The following PLCL2 variants were observed in gnomAD, a reference collection of about 807,000 sequenced individuals.
The protein encoded by PLCL2 is phospholipase C like 2, also known as inactive phospholipase C-like protein 2.
PLCL2 carries 4 observed loss-of-function variants against 79.6 expected under a neutral mutation model. That is an observed-to-expected ratio of 0.05 (90% CI 0.02 to 0.11). The LOEUF is 0.11. Among genes scored for constraint, PLCL2 ranks in the 10% least tolerant of loss-of-function variants. PLCL2 has a pLI of 1.00. For synonymous variants in PLCL2, 484 were observed against 457.7 expected (o/e 1.06, Z -0.73); for missense variants, 895 against 1,291.0 (o/e 0.69, Z 4.70).
At chr3:16,979,029 A>T (rs1164586327) in intron 1 of PLCL2, among the ~76,000 whole-genome samples, 1 of 152,188 alleles carries the variant, frequency 6.6e-6, no homozygotes, top group Non-Finnish European at 1.5e-5. Context: ...AGCACCAGCA[A>T]TTTGTTTTTA....
At position 16,887,457 on chromosome 3, in the gene PLCL2, C is replaced by T. The variant is rs1287383860; in HGVS notation, c.327+2091C>T. On this transcript the variant is annotated intron_variant, in intron 1 of 5. Transcript: ENST00000615277. This position sits in a 1 kb window ranked among gnomAD's most constrained non-coding sequence, Gnocchi z 4.1. ...CATTGTATTGTACCTCCAAAGAAGG[C>T]TTGACATACTCCTTTTTCTTGCCTC... Among the ~76,000 whole-genome samples, 2 of 152,166 alleles carry T rather than the reference C, an allele frequency of 1.3e-5. No individual in the cohort carries two copies. Among genetic ancestry groups the T allele is most frequent in the African/African-American group, 4.8e-5 (2 of 41,446 alleles).
At chr3:16,898,381 A>G (rs1005061055) in intron 1 of PLCL2, among the ~76,000 whole-genome samples, 1 of 152,144 alleles carries the variant, frequency 6.6e-6, no homozygotes, top group African/African-American at 2.4e-5. Context: ...CCTACAGCAT[A>G]ATTAGCCAGA....
intron 1 of PLCL2, among the ~76,000 whole-genome samples, chr3:16,893,882 G>T (rs376526043): frequency 1.3e-5 from 2 of 152,190 alleles, no homozygotes; most frequent in South Asian, 2.1e-4. Context: ...GTAGTGCTAG[G>T]TTGACACAAA....
intron 1 of PLCL2, among the ~76,000 whole-genome samples, chr3:16,969,180 C>T (rs111540557): frequency 5.9e-5 from 9 of 152,234 alleles, no homozygotes; most frequent in African/African-American, 1.9e-4. Flanking sequence ...CTATGTTCAT[C>T]AAGGATATTG....
chr3:17,076,516 T>A (rs1021316978), intron 5 of PLCL2, among the ~76,000 whole-genome samples: 17 of 150,942 alleles, frequency 1.1e-4, no homozygotes, highest in South Asian at 8.3e-4. Flanking sequence ...TAAAAAAAAA[T>A]TTTTTTGAGA....
At chr3:16,928,908 TC>T (rs1697321267) in intron 1 of PLCL2, among the ~76,000 whole-genome samples, 1 of 152,012 alleles carries the variant, frequency 6.6e-6, no homozygotes, top group Non-Finnish European at 1.5e-5. Context: ...TTGGCAAAAA[TC>T]CATTTCAGCG....
At chr3:17,053,792 T>G (rs1199472333) in intron 4 of PLCL2, among the ~76,000 whole-genome samples, 1 of 152,216 alleles carries the variant, frequency 6.6e-6, no homozygotes, top group African/African-American at 2.4e-5. Context: ...ACAGAGCAGC[T>G]GGGCCCTGGA....
intron 1 of PLCL2, among the ~76,000 whole-genome samples, chr3:16,960,366 A>G (rs952176847): frequency 2.0e-5 from 3 of 152,092 alleles, no homozygotes; most frequent in Non-Finnish European, 4.4e-5. Context: ...CTCCTTTCCC[A>G]GTCCCTCAGG....
chr3:17,090,317 G>C lies in PLCL2; in HGVS notation c.*405G>C. 1 of 922,890 alleles carries C rather than the reference G, an allele frequency of 1.1e-6. No individual in the cohort carries two copies. The highest frequency in any genetic ancestry group is 5.0e-5 in the South Asian group (1 of 19,950). 57.2% of individuals were successfully genotyped at this position (922,890 alleles called of 1,614,324 possible). Reference sequence around the variant, plus strand: ...ATCTACACATTTTTACTTATATGGGGTTGCCAGAGTCTCTGGGTTCTAGAT... The same window carrying C: ...ATCTACACATTTTTACTTATATGGGCTTGCCAGAGTCTCTGGGTTCTAGAT... On this transcript the variant is annotated 3_prime_UTR_variant, in exon 6 of 6. Transcript: ENST00000615277.
At chr3:16,896,334 G>T (rs1696479033) in intron 1 of PLCL2, among the ~76,000 whole-genome samples, 1 of 152,146 alleles carries the variant, frequency 6.6e-6, no homozygotes, top group Admixed American at 6.5e-5. Context: ...CAGCTTGCTG[G>T]AAGAGCCTGA....
chr3:17,080,005 C>T (rs1323521293), intron 5 of PLCL2, among the ~76,000 whole-genome samples: 1 of 152,176 alleles, frequency 6.6e-6, no homozygotes, highest in Non-Finnish European at 1.5e-5. Flanking sequence ...CGCTCCTGCA[C>T]AGAACCCTTC....
intron 1 of PLCL2, among the ~76,000 whole-genome samples, chr3:16,937,134 G>A (rs1697559398): frequency 6.6e-6 from 1 of 152,100 alleles, no homozygotes; most frequent in Non-Finnish European, 1.5e-5. Context: ...GATTATCCCT[G>A]GTTGAGAACC....
In PLCL2 at chr3:17,009,239, G is replaced by T. The variant is rs2124885913; in HGVS notation, c.328-435G>T. ...ACCTTGGGTGATCTGCCCCTTCTTGGCCTCCCAAAGTGCTGGGATTACAGG... is the reference window on the plus strand; with the variant it reads ...ACCTTGGGTGATCTGCCCCTTCTTGTCCTCCCAAAGTGCTGGGATTACAGG... On this transcript the variant is annotated intron_variant, in intron 1 of 5. Transcript: ENST00000615277. This position sits in a 1 kb window ranked among gnomAD's most constrained non-coding sequence, Gnocchi z 4.0. Among the ~76,000 whole-genome samples, 1 of 152,014 alleles carries T rather than the reference G, an allele frequency of 6.6e-6. No homozygotes were observed. The highest frequency in any genetic ancestry group is 2.4e-5 in the African/African-American group (1 of 41,444).
At chr3:17,055,464 C>G (rs1386647297) in intron 4 of PLCL2, among the ~76,000 whole-genome samples, 1 of 152,160 alleles carries the variant, frequency 6.6e-6, no homozygotes, top group Non-Finnish European at 1.5e-5. Context: ...AGCAACTGGT[C>G]TCTAGAAACC....
At chr3:17,073,549 A>G (rs573441189) in intron 5 of PLCL2, among the ~76,000 whole-genome samples, 1 of 152,284 alleles carries the variant, frequency 6.6e-6, no homozygotes, top group South Asian at 2.1e-4. Flanking sequence ...AGCTTGCTAC[A>G]CTGATGGACT....
At chr3:16,905,341 C>A (rs6800378) in intron 1 of PLCL2, among the ~76,000 whole-genome samples, 10,125 of 152,226 alleles carry the variant, frequency 0.067, 493 homozygotes, top group African/African-American at 0.13. Context: ...GTCTTTTATC[C>A]TTAAAAGAAA....
chr3:17,088,955 A>T (rs2124961224), intron 5 of PLCL2, among the ~76,000 whole-genome samples: 1 of 152,334 alleles, frequency 6.6e-6, no homozygotes, highest in East Asian at 1.9e-4. Context: ...TTGGCTGAGA[A>T]AGTATATCCA....
chr3:16,962,770 GA>G (rs1321932305), intron 1 of PLCL2, among the ~76,000 whole-genome samples: 3 of 152,044 alleles, frequency 2.0e-5, no homozygotes, highest in Admixed American at 2.0e-4. Context: ...AAAAGATTTG[GA>G]AAAAAATTCC....
chr3:16,992,460 A>T (rs2064114185), intron 1 of PLCL2, among the ~76,000 whole-genome samples: 1 of 152,098 alleles, frequency 6.6e-6, no homozygotes, highest in Admixed American at 6.5e-5. Flanking sequence ...AATAACCCCC[A>T]TTTGCATCTC....
Sources: gnomAD v4.1 joint callset for allele counts (sites outside exome capture counted in the v4.1 genomes callset) on GRCh38, gnomAD v4.1.1 for gene constraint, Gnocchi (gnomAD v3.1) non-coding constraint, MANE v1.5 for transcripts, NCBI Gene and HGNC (gene_info 2026-07-23, HGNC 2026-07-21) for gene names.